THADA: variants seen among roughly 807,000 people sequenced by gnomAD.
THADA encodes tRNA (32-2'-O)-methyltransferase regulator THADA.
Under a neutral mutation model 219.8 loss-of-function variants are expected in THADA, and 213 were observed. That is an observed-to-expected ratio of 0.97 (90% CI 0.87 to 1.09). THADA has a LOEUF of 1.09. Among genes scored for constraint, THADA ranks in the 50% least tolerant of loss-of-function variants. The pLI, the probability that THADA is intolerant of heterozygous loss-of-function variation, is 0.00. For missense variants in THADA, 2,956 were observed against 2,311.3 expected, an observed-to-expected ratio of 1.28 and a Z score of -5.72; for synonymous variants, 1,018 against 828.9, an observed-to-expected ratio of 1.23 and a Z score of -3.92.
chr2:43,527,790 C>T, intron 22 of THADA, 89 bp downstream of exon 22: 1 of 913,016 alleles, frequency 1.1e-6, no homozygotes, highest in Non-Finnish European at 1.7e-6. Context: ...TTCTTTTAAA[C>T]TTCAAAAGAC....
chr2:43,251,628 C>T (rs1319355316), intron 36 of THADA, among the ~76,000 whole-genome samples: 1 of 152,216 alleles, frequency 6.6e-6, no homozygotes, highest in Non-Finnish European at 1.5e-5. Context: ...GGCAGGGCCA[C>T]AGGGAGCTGT....
chr2:43,390,145 C>T (rs1215712776), intron 29 of THADA, among the ~76,000 whole-genome samples: 2 of 152,194 alleles, frequency 1.3e-5, no homozygotes, highest in Non-Finnish European at 2.9e-5. Context: ...ATGATGGATA[C>T]TTTGCTCTTT....
chr2:43,491,497 C>A (rs796871736), intron 25 of THADA, among the ~76,000 whole-genome samples: 1 of 152,070 alleles, frequency 6.6e-6, no homozygotes, highest in Non-Finnish European at 1.5e-5. Context: ...CAACAATGGA[C>A]CACATATGTA....
intron 26 of THADA, among the ~76,000 whole-genome samples, chr2:43,461,830 G>A (rs771176651): frequency 1.3e-5 from 2 of 152,174 alleles, no homozygotes; most frequent in African/African-American, 4.8e-5. Context: ...GCAATCAAAG[G>A]CCTGAAAATG....
intron 21 of THADA, among the ~76,000 whole-genome samples, chr2:43,534,353 T>A (rs1694281699): frequency 6.6e-6 from 1 of 152,156 alleles, no homozygotes; most frequent in African/African-American, 2.4e-5. Context: ...TTCTAGCTAT[T>A]TGGAATTATT....
intron 28 of THADA, among the ~76,000 whole-genome samples, chr2:43,422,851 C>G (rs1401849490): frequency 1.3e-5 from 2 of 152,136 alleles, no homozygotes; most frequent in Non-Finnish European, 2.9e-5. Flanking sequence ...TCCCAAGTAG[C>G]TGGGACTACA....
rs777789559 is a variant in THADA at position 43,292,915 on chromosome 2, G to A, written c.4737C>T (p.Gly1579=). ...CCATGTTGCACAGCAAGGGTGGCACGCCCTTCTCTCCAAGTCCAGAGGCTG... is the reference window on the plus strand; with the variant it reads ...CCATGTTGCACAGCAAGGGTGGCACACCCTTCTCTCCAAGTCCAGAGGCTG... The part of the protein sequence containing the change: ...LAAASGLGEK[G]VPPLLCNMGE... Residue 1579 remains glycine (G), a synonymous_variant, in exon 32 of 38, where the codon GGC becomes GGT. Transcript: ENST00000405975. 1.5e-5 allele frequency: 24 copies of A among 1,613,902 alleles called. No homozygotes were observed. The highest frequency in any genetic ancestry group is 6.7e-5 in the Admixed American group (4 of 60,010).
intron 25 of THADA, among the ~76,000 whole-genome samples, chr2:43,488,710 T>C (rs1426776602): frequency 6.6e-6 from 1 of 152,230 alleles, no homozygotes; most frequent in East Asian, 1.9e-4. Flanking sequence ...GTAGTATTGC[T>C]TGGTCACAGA....
chr2:43,515,054 TATATA>T lies in THADA; in HGVS notation c.3375-6279_3375-6275del, dbSNP rs1379767708. On this transcript the variant is annotated intron_variant, in intron 22 of 37. Coordinates refer to ENST00000405975, the MANE Select transcript of THADA (RefSeq NM_022065.5). ...AATATATATAAATATATATATTTTATATATAATATATTTTATATATAATATATATA... is the reference window on the plus strand; with the variant it reads ...AATATATATAAATATATATATTTTATATATATTTTATATATAATATATATA... 6.0e-4 allele frequency among the ~76,000 whole-genome samples: 33 copies of T among 55,168 alleles called. 1 individual carries two copies. Among genetic ancestry groups the T allele is most frequent in the African/African-American group, 1.3e-3 (17 of 12,864 alleles). The allele number at this position is 55,168 out of a possible 152,430, so 36.2% of individuals were successfully genotyped here. A position where few individuals can be genotyped will look rare whatever the true frequency, so the allele number is the denominator to read the frequency against.
At chr2:43,522,429 C>T (rs1207584944) in intron 22 of THADA, among the ~76,000 whole-genome samples, 5 of 152,056 alleles carry the variant, frequency 3.3e-5, no homozygotes, top group South Asian at 2.1e-4. Flanking sequence ...ATCAGAGGGC[C>T]ATGGGGAGAA....
chr2:43,485,129 CTCTAGATGAA>C, intron 26 of THADA, 95 bp downstream of exon 26: 1 of 806,608 alleles, frequency 1.2e-6, no homozygotes, highest in Non-Finnish European at 2.0e-6. Context: ...TAGTTTTATG[CTCTAGATGAA>C]TCTATAACAG....
intron 29 of THADA, among the ~76,000 whole-genome samples, chr2:43,369,844 T>A (rs1229859733): frequency 1.3e-5 from 2 of 152,360 alleles, no homozygotes; most frequent in East Asian, 1.9e-4. Context: ...AATTTCTACA[T>A]CCTCCAGCCA....
chr2:43,378,437 T>C (rs1303450467), intron 29 of THADA, among the ~76,000 whole-genome samples: 1 of 152,188 alleles, frequency 6.6e-6, no homozygotes. Context: ...GTCTTGAGTA[T>C]AGTTAATATA....
At chr2:43,320,612 A>G (rs1678594261) in intron 30 of THADA, 72 bp from the exon 31 acceptor site, 10 of 1,131,324 alleles carry the variant, frequency 8.8e-6, no homozygotes, top group African/African-American at 1.5e-5. Flanking sequence ...GAAGGAGAAC[A>G]TGGGTATTTT....
At chr2:43,377,988 G>A (rs1272746434) in intron 29 of THADA, among the ~76,000 whole-genome samples, 1 of 152,166 alleles carries the variant, frequency 6.6e-6, no homozygotes, top group Non-Finnish European at 1.5e-5. Context: ...CCCTCAATTT[G>A]GGTTTGTATA....
intron 36 of THADA, among the ~76,000 whole-genome samples, chr2:43,239,859 C>A (rs529572070): frequency 6.6e-6 from 1 of 152,064 alleles, no homozygotes; most frequent in African/African-American, 2.4e-5. Flanking sequence ...CACCCATCCA[C>A]CCACTCACCC....
At chr2:43,361,889 C>T (rs1447710965) in intron 29 of THADA, among the ~76,000 whole-genome samples, 1 of 152,172 alleles carries the variant, frequency 6.6e-6, no homozygotes, top group Non-Finnish European at 1.5e-5. Context: ...AATCTGGTGA[C>T]CCTTGAAGGT....
In THADA at chr2:43,237,027, G is replaced by A. The variant is rs541816062; in HGVS notation, c.5297-4145C>T. Reference sequence around the variant, plus strand: ...GCGGAGCTTGCAGTGAGCCGAGATCGCGCCACTGCACACCAGCCTGGGTGA... The same window carrying A: ...GCGGAGCTTGCAGTGAGCCGAGATCACGCCACTGCACACCAGCCTGGGTGA... On this transcript the variant is annotated intron_variant, in intron 36 of 37. Coordinates refer to ENST00000405975, the MANE Select transcript of THADA (RefSeq NM_022065.5). 2.0e-4 allele frequency among the ~76,000 whole-genome samples: 29 copies of A among 144,882 alleles called. No individual in the cohort carries two copies. The South Asian group carries it at 5.5e-3, about 28-fold the overall frequency.
intron 28 of THADA, among the ~76,000 whole-genome samples, chr2:43,402,880 A>C (rs1287524688): frequency 6.6e-6 from 1 of 152,200 alleles, no homozygotes; most frequent in Non-Finnish European, 1.5e-5. Context: ...AGAGGCAGAG[A>C]GCGCTTGGGT....
Sources: allele counts gnomAD v4.1 joint callset (sites outside exome capture counted in the v4.1 genomes callset), GRCh38; gene constraint gnomAD v4.1.1; transcripts MANE v1.5; gene names NCBI Gene and HGNC (gene_info 2026-07-23, HGNC 2026-07-21).